The following PUS10 variants were observed in gnomAD, a reference collection of about 807,000 sequenced individuals.
PUS10 encodes the protein tRNA pseudouridine synthase Pus10.
Under a neutral mutation model 75.0 loss-of-function variants are expected in PUS10, and 59 were observed. That is an observed-to-expected ratio of 0.79 (90% CI 0.64 to 0.98). The LOEUF (loss-of-function observed/expected upper bound fraction) is 0.98. Ranked by LOEUF, PUS10 falls within the 50% of genes least tolerant of loss-of-function variation. The pLI is 0.00. For synonymous variants in PUS10, 219 were observed against 211.6 expected, an observed-to-expected ratio of 1.03 and a Z score of -0.30; for missense variants, 650 against 614.4, an observed-to-expected ratio of 1.06 and a Z score of -0.61.
Position 61,016,814 on chromosome 2 carries a change from G to A in PUS10, c.-16+1194C>T, listed in dbSNP as rs79654809. ...GACCAGACTGAGTCTCATATCCTAA[G>A]ATCTTTTAAAACTCATTTCCCTACC... On this transcript the variant is annotated intron_variant, in intron 1 of 17. Transcript: ENST00000316752. Among the ~76,000 whole-genome samples the A allele has an allele frequency of 7.9e-5, 12 of 152,296 alleles. No individual in the cohort carries two copies. The East Asian group carries it at 2.3e-3, about 29-fold the overall frequency.
At chr2:61,015,653 C>T (rs1163009733) in intron 1 of PUS10, among the ~76,000 whole-genome samples, 1 of 152,144 alleles carries the variant, frequency 6.6e-6, no homozygotes, top group Non-Finnish European at 1.5e-5. Context: ...GAGCCAAAAT[C>T]GTGCCACTGT....
At chr2:60,967,880 G>A (rs564555630) in intron 5 of PUS10, among the ~76,000 whole-genome samples, 1 of 152,132 alleles carries the variant, frequency 6.6e-6, no homozygotes, top group South Asian at 2.1e-4. Context: ...CACACTATGG[G>A]TTTTTCTAAG....
chr2:60,942,159 G>C lies in PUS10; in HGVS notation c.*236C>G. 1 of 462,940 alleles carries C rather than the reference G, an allele frequency of 2.2e-6. No individual in the cohort carries two copies. 28.7% of individuals were successfully genotyped at this position (462,940 alleles called of 1,614,324 possible). A position where few individuals can be genotyped will look rare whatever the true frequency, so the allele number is the denominator to read the frequency against. ...TTCATTATTCATAGTTTGGTTTGTG[G>C]GGGTGAAAGAGGGAATGAGAAAAAT... On this transcript the variant is annotated 3_prime_UTR_variant, in exon 18 of 18. Coordinates refer to ENST00000316752, the MANE Select transcript of PUS10 (RefSeq NM_144709.4).
intron 4 of PUS10, among the ~76,000 whole-genome samples, chr2:60,981,855 C>T (rs575362465): frequency 6.2e-4 from 94 of 152,176 alleles, no homozygotes; most frequent in African/African-American, 2.2e-3. Context: ...GTGAAAAAAG[C>T]AAATTATTAT....
intron 4 of PUS10, among the ~76,000 whole-genome samples, chr2:60,978,193 G>T (rs1047334318): frequency 1.3e-5 from 2 of 151,916 alleles, no homozygotes; most frequent in Non-Finnish European, 2.9e-5. Flanking sequence ...AGGCTGAGGA[G>T]GGTGGATCAC....
intron 4 of PUS10, among the ~76,000 whole-genome samples, chr2:60,980,602 T>A (rs1677325189): frequency 6.6e-6 from 1 of 152,314 alleles, no homozygotes; most frequent in East Asian, 1.9e-4. Flanking sequence ...AAACTTGGCC[T>A]GTGGACAAAA....
At chr2:60,989,254 G>A (rs1196609531) in intron 4 of PUS10, among the ~76,000 whole-genome samples, 1 of 152,050 alleles carries the variant, frequency 6.6e-6, no homozygotes, top group East Asian at 1.9e-4. Context: ...AAAATTGACT[G>A]TTTGCAAAAG....
chr2:60,985,434 G>A (rs1005194808), intron 4 of PUS10, among the ~76,000 whole-genome samples: 6 of 152,036 alleles, frequency 3.9e-5, no homozygotes, highest in African/African-American at 1.2e-4. Context: ...TTTTACTTTT[G>A]AAAAATTTAT....
intron 7 of PUS10, 27 bp downstream of exon 7, chr2:60,965,396 A>G (rs1380209470): frequency 2.5e-6 from 4 of 1,575,174 alleles, no homozygotes; most frequent in Non-Finnish European, 3.5e-6. Flanking sequence ...ATTTTACACC[A>G]TTGACGTTGT....
At chr2:60,982,800 G>C (rs1208474523) in intron 4 of PUS10, among the ~76,000 whole-genome samples, 1 of 151,520 alleles carries the variant, frequency 6.6e-6, no homozygotes, top group East Asian at 1.9e-4. Context: ...AAATATCTAT[G>C]TATGTAAATA....
intron 10 of PUS10, among the ~76,000 whole-genome samples, chr2:60,961,197 C>T (rs185399607): frequency 6.6e-6 from 1 of 152,202 alleles, no homozygotes; most frequent in Non-Finnish European, 1.5e-5. Context: ...CATATTTCTA[C>T]TTGGCCATCT....
At chr2:60,992,307 T>C (rs948034706) in intron 4 of PUS10, among the ~76,000 whole-genome samples, 2 of 152,092 alleles carry the variant, frequency 1.3e-5, no homozygotes, top group African/African-American at 4.8e-5. Context: ...TAAGCCACTA[T>C]ACGCAGCCAG....
chr2:60,995,640 A>T (rs1291327096), intron 4 of PUS10, among the ~76,000 whole-genome samples: 3 of 152,184 alleles, frequency 2.0e-5, no homozygotes. Flanking sequence ...TTTAATAAAG[A>T]TCTCTACAGT....
intron 15 of PUS10, among the ~76,000 whole-genome samples, chr2:60,952,180 A>G (rs1675375536): frequency 6.6e-6 from 1 of 152,082 alleles, no homozygotes; most frequent in Non-Finnish European, 1.5e-5. Context: ...CTAAAAATAC[A>G]AAAATTAACC....
At chr2:61,013,835 AC>A (rs1679793626) in intron 1 of PUS10, among the ~76,000 whole-genome samples, 1 of 149,870 alleles carries the variant, frequency 6.7e-6, no homozygotes. Context: ...GACCAGCCTG[AC>A]CAACATGGTG....
chr2:60,995,360 G>T (rs1263334753), intron 4 of PUS10, among the ~76,000 whole-genome samples: 1 of 152,164 alleles, frequency 6.6e-6, no homozygotes, highest in Non-Finnish European at 1.5e-5. Flanking sequence ...TTATGGTGGT[G>T]TGGCTGTTTT....
chr2:60,960,487 G>C lies in PUS10; in HGVS notation c.905C>G (p.Pro302Arg), dbSNP rs753632354. The C allele has an allele frequency of 1.3e-6, 2 of 1,573,528 alleles. No individual in the cohort carries two copies. The highest frequency in any genetic ancestry group is 3.9e-5 in the Admixed American group (2 of 50,638). The change falls in exon 11 of 18, where the codon CCA (proline) becomes CGA (arginine). Residue 302 changes from proline (P) to arginine (R), a missense_variant. Physicochemically the swap from Pro to Arg is moderately radical, Grantham distance 103 (BLOSUM62 -2). Transcript: ENST00000316752. ...GRYNKYSRNL[P>R]QTPWIIDGER... ...TCCATCAATTATCCAAGGAGTTTGTGGTAGATTCCTGGAGTATTTATTATA... is the reference window on the plus strand; with the variant it reads ...TCCATCAATTATCCAAGGAGTTTGTCGTAGATTCCTGGAGTATTTATTATA...
chr2:60,951,132 C>T (rs1047222269), intron 15 of PUS10, among the ~76,000 whole-genome samples: 5 of 152,266 alleles, frequency 3.3e-5, no homozygotes, highest in African/African-American at 1.2e-4. Context: ...TCATATTTTT[C>T]ATGATAAGTA....
intron 4 of PUS10, among the ~76,000 whole-genome samples, chr2:60,994,762 C>T (rs1047819510): frequency 1.3e-5 from 2 of 152,136 alleles, no homozygotes; most frequent in Admixed American, 6.6e-5. Context: ...GGCTAAGTCC[C>T]ACTTATAACA....
Sources: gnomAD v4.1 joint callset for allele counts (sites outside exome capture counted in the v4.1 genomes callset) on GRCh38, gnomAD v4.1.1 for gene constraint, MANE v1.5 for transcripts, NCBI Gene and HGNC (gene_info 2026-07-23, HGNC 2026-07-21) for gene names.